The following APOLD1 variants were observed in gnomAD, a reference collection of about 807,000 sequenced individuals.
APOLD1 encodes the protein apolipoprotein L domain-containing protein 1.
A neutral mutation model predicts 15.3 loss-of-function variants in APOLD1; 22 were observed. That is an observed-to-expected ratio of 1.44 (90% CI 1.03 to 2.05). APOLD1 has a LOEUF of 2.05. Ranked by LOEUF, APOLD1 falls within the 30% of genes most tolerant of loss-of-function variation. The pLI is 0.00. For missense variants in APOLD1, 394 were observed against 353.5 expected, an observed-to-expected ratio of 1.11 and a Z score of -0.92; for synonymous variants, 190 against 167.4, an observed-to-expected ratio of 1.13 and a Z score of -1.04.
intron 1 of APOLD1, among the ~76,000 whole-genome samples, chr12:12,743,434 G>C (rs1453137356): frequency 6.6e-6 from 1 of 152,146 alleles, no homozygotes; most frequent in Non-Finnish European, 1.5e-5. Flanking sequence ...GGATTATCCA[G>C]GTGAGCCCAA....
At chr12:12,755,045 CAAAA>C (rs938797230) in intron 1 of APOLD1, among the ~76,000 whole-genome samples, 49 of 151,084 alleles carry the variant, frequency 3.2e-4, no homozygotes, top group African/African-American at 9.2e-4. Flanking sequence ...GGCCCTCTCT[CAAAA>C]AAACAAAAAA....
chr12:12,776,970 C>T (rs1263104161), intron 1 of APOLD1, among the ~76,000 whole-genome samples: 1 of 152,156 alleles, frequency 6.6e-6, no homozygotes, highest in Non-Finnish European at 1.5e-5. Context: ...AAATTATATT[C>T]ATCTGAAGAA....
At chr12:12,740,789 CT>C (rs35569459) in intron 1 of APOLD1, among the ~76,000 whole-genome samples, 86 of 152,172 alleles carry the variant, frequency 5.7e-4, no homozygotes, top group African/African-American at 2.0e-3. Context: ...TATTTGGAAT[CT>C]TTTTTTATAA....
chr12:12,772,532 T>G (rs1946997004), intron 1 of APOLD1, among the ~76,000 whole-genome samples: 1 of 152,212 alleles, frequency 6.6e-6, no homozygotes, highest in Admixed American at 6.5e-5. Context: ...AATCCACTAT[T>G]ATAACTGGAG....
At chr12:12,755,768 G>C (rs1946853161) in intron 1 of APOLD1, among the ~76,000 whole-genome samples, 1 of 152,256 alleles carries the variant, frequency 6.6e-6, no homozygotes, top group Admixed American at 6.5e-5. Flanking sequence ...TTGAGGCCAA[G>C]AGGTGGAGGT....
chr12:12,750,364 C>G (rs1431591481), intron 1 of APOLD1, among the ~76,000 whole-genome samples: 2 of 91,370 alleles, frequency 2.2e-5, no homozygotes, highest in African/African-American at 8.4e-5. Context: ...AAGAGTGAGA[C>G]TCTGTCTCAA....
At chr12:12,785,102 C>A (rs1947113955), upstream of APOLD1, among the ~76,000 whole-genome samples, 1 of 152,182 alleles carries the variant, frequency 6.6e-6, no homozygotes, top group African/African-American at 2.4e-5. Flanking sequence ...CTGCACGCAG[C>A]ACTTCCTGTG....
At chr12:12,760,190 A>C (rs899239263) in intron 1 of APOLD1, among the ~76,000 whole-genome samples, 5 of 151,606 alleles carry the variant, frequency 3.3e-5, no homozygotes, top group Non-Finnish European at 7.4e-5. Context: ...TACAAAAATT[A>C]ACCACCACAC....
chr12:12,739,983 ATTTT>A (rs56013011), intron 1 of APOLD1, among the ~76,000 whole-genome samples: 1 of 138,606 alleles, frequency 7.2e-6, no homozygotes, highest in Non-Finnish European at 1.6e-5. Flanking sequence ...CATCCGGCTA[ATTTT>A]TTTTTTTTTT....
intron 1 of APOLD1, among the ~76,000 whole-genome samples, chr12:12,753,127 T>C (rs1327140283): frequency 6.6e-6 from 1 of 152,096 alleles, no homozygotes; most frequent in African/African-American, 2.4e-5. Context: ...TAAAAGGACA[T>C]TGCCTCTGTA....
intron 1 of APOLD1, among the ~76,000 whole-genome samples, chr12:12,749,190 T>C (rs1236494887): frequency 6.6e-6 from 1 of 152,000 alleles, no homozygotes; most frequent in Non-Finnish European, 1.5e-5. Context: ...CTGCTAGGAA[T>C]TGGCTTATTT....
At chr12:12,777,471 G>A (rs1592307610) in intron 1 of APOLD1, among the ~76,000 whole-genome samples, 1 of 152,176 alleles carries the variant, frequency 6.6e-6, no homozygotes, top group Non-Finnish European at 1.5e-5. Context: ...GCAATAATTC[G>A]CTTATATTAG....
At chr12:12,739,580 T>C (rs1946716708) in intron 1 of APOLD1, among the ~76,000 whole-genome samples, 1 of 152,196 alleles carries the variant, frequency 6.6e-6, no homozygotes, top group Admixed American at 6.5e-5. Context: ...ATGCTAAAAT[T>C]TCTAAAAGGA....
intron 1 of APOLD1, among the ~76,000 whole-genome samples, chr12:12,736,357 A>T (rs187053863): frequency 2.0e-3 from 206 of 103,192 alleles, no homozygotes; most frequent in African/African-American, 7.2e-3. Context: ...GTCTCAAAAA[A>T]AACAAAACAA....
intron 1 of APOLD1, among the ~76,000 whole-genome samples, chr12:12,736,781 T>C (rs983655560): frequency 6.6e-6 from 1 of 152,208 alleles, no homozygotes; most frequent in Non-Finnish European, 1.5e-5. Context: ...TGTGTAGTGC[T>C]TGGGCCGTTA....
upstream of APOLD1, among the ~76,000 whole-genome samples, chr12:12,781,933 G>C (rs1367308641): frequency 6.6e-6 from 1 of 151,924 alleles, no homozygotes; most frequent in Non-Finnish European, 1.5e-5. Context: ...TAGACTTACT[G>C]TTTCTGCTGC....
chr12:12,726,065 G>A lies in APOLD1; in HGVS notation c.65G>A (p.Trp22Ter). 6.5e-7 allele frequency: 1 copy of A among 1,538,984 alleles called. No individual in the cohort carries two copies. Among genetic ancestry groups the A allele is most frequent in the Non-Finnish European group, 8.8e-7 (1 of 1,140,494 alleles). ...ACTCGGAAGGCGCGGGCAGGAGCCT[G>A]GCGAGGATGCACCTTCCCCTGCCTT... Residue 22 changes from tryptophan to a stop codon, truncating the protein, a stop_gained, in exon 1 of 2, where the codon TGG (tryptophan) becomes TAG (stop). Transcript: ENST00000326765. LOFTEE classifies it high-confidence loss of function.
chr12:12,770,936 A>G (rs1946982710), intron 1 of APOLD1, among the ~76,000 whole-genome samples: 1 of 152,158 alleles, frequency 6.6e-6, no homozygotes, highest in African/African-American at 2.4e-5. Context: ...TGCAAGCAAG[A>G]AGAGAGTGGA....
chr12:12,738,034 T>C (rs1384860836), intron 1 of APOLD1, among the ~76,000 whole-genome samples: 1 of 152,182 alleles, frequency 6.6e-6, no homozygotes, highest in African/African-American at 2.4e-5. Context: ...AGAATGTCTT[T>C]CTATGAGAAA....
Sources: allele counts gnomAD v4.1 joint callset (sites outside exome capture counted in the v4.1 genomes callset), GRCh38; gene constraint gnomAD v4.1.1; transcripts MANE v1.5; gene names NCBI Gene and HGNC (gene_info 2026-07-23, HGNC 2026-07-21).